IGHMBP2: variants seen among roughly 807,000 people sequenced by gnomAD.
IGHMBP2 encodes the protein immunoglobulin mu DNA binding protein 2.
A neutral mutation model predicts 96.0 loss-of-function variants in IGHMBP2; 81 were observed. The ratio of observed to expected loss-of-function variants is 0.84; its 90% CI spans 0.71 to 1.01. The LOEUF (loss-of-function observed/expected upper bound fraction) is 1.01, where lower values mean the gene tolerates loss of function less well. Among genes scored for constraint, IGHMBP2 ranks in the 50% least tolerant of loss-of-function variants. The pLI is 0.00. For missense variants in IGHMBP2, 1,227 were observed against 1,306.3 expected (o/e 0.94, Z 0.94); for synonymous variants, 557 against 548.9 (o/e 1.01, Z -0.21).
At chr11:68,907,057 C>G (rs555896768) in intron 2 of IGHMBP2, among the ~76,000 whole-genome samples, 2 of 151,902 alleles carry the variant, frequency 1.3e-5, no homozygotes, top group Admixed American at 1.3e-4. Context: ...CTCAGGAGTT[C>G]GAGACCAGCC....
chr11:68,936,333 A>G lies in IGHMBP2; in HGVS notation c.1853A>G (p.Asn618Ser), dbSNP rs753927672. The change falls in exon 13 of 15, where the codon AAC (asparagine) becomes AGC (serine). Residue 618 changes from asparagine to serine, a missense_variant. Around this residue, in one of 3 missense-constraint regions of IGHMBP2, gnomAD observed 703 missense variants for 770.3 expected, o/e 0.91. Transcript: ENST00000255078. The stretch of plus-strand genomic sequence containing the variant: ...GTCATCTGTGACTCCCGTACTGTCA[A>G]CAACCATGCATTTTTGAAGACCCTG... ...VAVICDSRTV[N>S]NHAFLKTLVE... The G allele has an allele frequency of 6.8e-6, 11 of 1,614,182 alleles. No homozygotes were observed. Among genetic ancestry groups the G allele is most frequent in the Non-Finnish European group, 8.5e-6 (10 of 1,180,032 alleles).
chr11:68,936,774 A>G lies in IGHMBP2; in HGVS notation c.2294A>G (p.His765Arg). The stretch of plus-strand genomic sequence containing the variant: ...CGGGTCCACCAAATAGCCGAGGAGC[A>G]CGGGCTGAGGCACGACAGTTCCGGG... ...RLRVHQIAEE[H>R]GLRHDSSGEG... The change falls in exon 13 of 15, where the codon CAC becomes CGC. Residue 765 changes from histidine (H) to arginine (R), a missense_variant. By Grantham distance (29) the His-to-Arg change is conservative. This residue lies in a region of IGHMBP2 where 703 missense variants were observed against 770.3 expected (regional missense o/e 0.91). Coordinates refer to ENST00000255078, the MANE Select transcript of IGHMBP2 (RefSeq NM_002180.3). 6.2e-7 allele frequency: 1 copy of G among 1,614,046 alleles called. No individual in the cohort carries two copies. The highest frequency in any genetic ancestry group is 1.1e-5 in the South Asian group (1 of 91,088).
In IGHMBP2 at chr11:68,906,155, G is replaced by C. The variant is rs2154006539; in HGVS notation, c.173G>C (p.Gly58Ala). Reference sequence around the variant, plus strand: ...CTGCAGGTATCCAGCCAGCGCACTGGGCTGTACGGACGGCTGCTGGTCACC... The same window carrying C: ...CTGCAGGTATCCAGCCAGCGCACTGCGCTGTACGGACGGCTGCTGGTCACC... The part of the protein sequence containing the change: ...LKLQVSSQRT[G>A]LYGRLLVTFE... Residue 58 changes from glycine to alanine, a missense_variant, in exon 2 of 15, where the codon GGG becomes GCG. Coordinates refer to ENST00000255078, the MANE Select transcript of IGHMBP2 (RefSeq NM_002180.3). 1 of 1,614,174 alleles carries C rather than the reference G, an allele frequency of 6.2e-7. No homozygotes were observed. The highest frequency in any genetic ancestry group is 8.5e-7 in the Non-Finnish European group (1 of 1,180,028).
intron 7 of IGHMBP2, among the ~76,000 whole-genome samples, chr11:68,918,511 A>G (rs112579170): frequency 2.6e-5 from 4 of 152,108 alleles, no homozygotes; most frequent in African/African-American, 9.6e-5. Flanking sequence ...GAGTTGTGGT[A>G]TGCACCTGTA....
chr11:68,911,678 C>A, intron 5 of IGHMBP2, 75 bp downstream of exon 5: 2 of 1,394,410 alleles, frequency 1.4e-6, no homozygotes, highest in South Asian at 1.2e-5. Context: ...TGCTCAGCGA[C>A]CTTTCAGCCT....
At chr11:68,912,075 G>T (rs1858459553) in intron 5 of IGHMBP2, among the ~76,000 whole-genome samples, 1 of 152,236 alleles carries the variant, frequency 6.6e-6, no homozygotes, top group Non-Finnish European at 1.5e-5. Context: ...GATTTTCTGA[G>T]ATGTGGAATA....
At chr11:68,931,579 G>A (rs902564050) in intron 8 of IGHMBP2, among the ~76,000 whole-genome samples, 1 of 152,128 alleles carries the variant, frequency 6.6e-6, no homozygotes. Flanking sequence ...CTGTGTCTGG[G>A]CTGCAGCGGC....
intron 8 of IGHMBP2, chr11:68,932,965 C>A: frequency 2.5e-6 from 1 of 401,232 alleles, no homozygotes; most frequent in Non-Finnish European, 4.7e-6. Flanking sequence ...CCCTCGGTGA[C>A]CTTCTCTGAC....
chr11:68,917,506 CGTG>C (rs970871516), intron 6 of IGHMBP2, among the ~76,000 whole-genome samples: 1 of 152,186 alleles, frequency 6.6e-6, no homozygotes, highest in African/African-American at 2.4e-5. Context: ...GAGTTAAAAA[CGTG>C]GTCTCTTTCC....
chr11:68,915,860 A>T (rs1376552520), intron 6 of IGHMBP2, among the ~76,000 whole-genome samples: 2 of 151,932 alleles, frequency 1.3e-5, no homozygotes, highest in African/African-American at 4.8e-5. Context: ...CTTGGTTAGT[A>T]GGTGTGAGGA....
intron 1 of IGHMBP2, among the ~76,000 whole-genome samples, chr11:68,904,462 CAG>C (rs929990295): frequency 1.2e-4 from 19 of 152,198 alleles, no homozygotes; most frequent in African/African-American, 3.9e-4. Context: ...TGGGCATAAG[CAG>C]AGAGTCCCTT....
intron 1 of IGHMBP2, among the ~76,000 whole-genome samples, chr11:68,904,680 C>T (rs527918003): frequency 1.3e-5 from 2 of 152,246 alleles, no homozygotes; most frequent in Admixed American, 6.5e-5. Context: ...GGCTTGTTTC[C>T]GAATGGGACT....
rs1858190290 is a variant in IGHMBP2 at position 68,906,241 on chromosome 11, G to A, written c.256+3G>A. On this transcript the variant is annotated splice_donor_region_variant and intron_variant, in intron 2 of 14. Transcript: ENST00000255078. Reference sequence around the variant, plus strand: ...TCCCAGTAACAGCTTTACTTCTGGTGTGTGCGTATTGACCTAGACAGACAT... The same window carrying A: ...TCCCAGTAACAGCTTTACTTCTGGTATGTGCGTATTGACCTAGACAGACAT... 3 of 1,613,894 alleles carry A rather than the reference G, an allele frequency of 1.9e-6. No homozygotes were observed. Among genetic ancestry groups the A allele is most frequent in the African/African-American group, 1.3e-5 (1 of 74,938 alleles).
At chr11:68,935,671 A>G (rs1859498326) in intron 12 of IGHMBP2, among the ~76,000 whole-genome samples, 1 of 152,144 alleles carries the variant, frequency 6.6e-6, no homozygotes, top group Admixed American at 6.5e-5. Context: ...TGGGCTGGGA[A>G]TGATCAGGAC....
At chr11:68,904,305 C>G (rs796750557) in intron 1 of IGHMBP2, among the ~76,000 whole-genome samples, 17 of 152,266 alleles carry the variant, frequency 1.1e-4, no homozygotes, top group African/African-American at 3.9e-4. Context: ...ACTCCTGGGC[C>G]CTGGCCCCGA....
chr11:68,909,615 T>C (rs1317582167), intron 4 of IGHMBP2, among the ~76,000 whole-genome samples: 3 of 152,070 alleles, frequency 2.0e-5, no homozygotes, highest in African/African-American at 7.2e-5. Flanking sequence ...ATAGCAATTT[T>C]AGGTTGGAAA....
chr11:68,930,438 T>C (rs928697803), intron 8 of IGHMBP2: 1 of 1,289,058 alleles, frequency 7.8e-7, no homozygotes, highest in African/African-American at 1.5e-5. Flanking sequence ...TTGGCGGGTA[T>C]GTAGAGAGAG....
intron 4 of IGHMBP2, among the ~76,000 whole-genome samples, chr11:68,911,143 C>T (rs552053554): frequency 5.2e-4 from 79 of 152,144 alleles, no homozygotes; most frequent in African/African-American, 1.6e-3. Flanking sequence ...TCATACGTAC[C>T]GTCTACAGCT....
intron 8 of IGHMBP2, chr11:68,930,365 A>G (rs1385865937): frequency 7.8e-7 from 1 of 1,289,804 alleles, no homozygotes; most frequent in Admixed American, 2.3e-5. Context: ...GAGGACCGGA[A>G]GAAGATGTGC....
Sources: gnomAD v4.1 joint callset for allele counts (sites outside exome capture counted in the v4.1 genomes callset) on GRCh38, gnomAD v4.1.1 for gene constraint, gnomAD v4.1.1 regional missense constraint, MANE v1.5 for transcripts, NCBI Gene and HGNC (gene_info 2026-07-23, HGNC 2026-07-21) for gene names.